Variants in NMNAT2 observed in about 807,000 individuals in gnomAD.
NMNAT2 encodes the protein nicotinamide/nicotinic acid mononucleotide adenylyltransferase 2.
A neutral mutation model predicts 41.6 loss-of-function variants in NMNAT2; 11 were observed. The ratio of observed to expected loss-of-function variants is 0.26; its 90% confidence interval spans 0.17 to 0.44. NMNAT2 has a LOEUF of 0.44. NMNAT2 is among the 20% of genes least tolerant of loss of function. The pLI, the probability that NMNAT2 is intolerant of heterozygous loss-of-function variation, is 1.00. For missense variants in NMNAT2, 288 were observed against 407.7 expected (o/e 0.71, Z 2.53); for synonymous variants, 148 against 151.2 (o/e 0.98, Z 0.16).
At chr1:183,359,747 G>A (rs1289027282) in intron 1 of NMNAT2, among the ~76,000 whole-genome samples, 5 of 152,160 alleles carry the variant, frequency 3.3e-5, no homozygotes, top group South Asian at 2.1e-4. Context: ...ATGGAGACAC[G>A]TGTGGCTCAG....
chr1:183,325,576 G>A (rs555085906), intron 1 of NMNAT2, among the ~76,000 whole-genome samples: 3 of 152,260 alleles, frequency 2.0e-5, no homozygotes, highest in South Asian at 2.1e-4. Flanking sequence ...TAGACCCAAC[G>A]TTTTACACCT....
intron 1 of NMNAT2, among the ~76,000 whole-genome samples, chr1:183,413,676 G>T (rs1373958792): frequency 7.0e-6 from 1 of 143,008 alleles, no homozygotes; most frequent in African/African-American, 2.7e-5. Context: ...GCGCGATCTC[G>T]GCTCACTGCA....
intron 1 of NMNAT2, among the ~76,000 whole-genome samples, chr1:183,339,310 G>C (rs1662745009): frequency 6.6e-6 from 1 of 152,030 alleles, no homozygotes; most frequent in South Asian, 2.1e-4. Flanking sequence ...TGTTAGCCAG[G>C]ATGGTCTCAA....
intron 1 of NMNAT2, among the ~76,000 whole-genome samples, chr1:183,300,924 T>G (rs1434195332): frequency 6.6e-6 from 1 of 152,196 alleles, no homozygotes; most frequent in East Asian, 1.9e-4. Context: ...ATGAATCCTC[T>G]GGGGGTCTTT....
At chr1:183,345,732 G>C (rs1203746601) in intron 1 of NMNAT2, among the ~76,000 whole-genome samples, 3 of 150,380 alleles carry the variant, frequency 2.0e-5, no homozygotes, top group African/African-American at 7.4e-5. Context: ...TGTTGCCCAG[G>C]CTGGAGCGCA....
At chr1:183,282,309 C>T (rs1046353605) in intron 7 of NMNAT2, among the ~76,000 whole-genome samples, 3 of 152,232 alleles carry the variant, frequency 2.0e-5, no homozygotes, top group Non-Finnish European at 2.9e-5. Context: ...CTCACCATAA[C>T]TCCAGAACTG....
At chr1:183,307,697 C>T (rs1431616967) in intron 1 of NMNAT2, among the ~76,000 whole-genome samples, 1 of 152,202 alleles carries the variant, frequency 6.6e-6, no homozygotes, top group Non-Finnish European at 1.5e-5. Context: ...CCCACCTCGG[C>T]CTCCCAAAGT....
chr1:183,251,734 G>A lies in NMNAT2; in HGVS notation c.*907C>T, dbSNP rs2102268863. 6.5e-6 allele frequency: 1 copy of A among 153,132 alleles called. No individual in the cohort carries two copies. Among genetic ancestry groups the A allele is most frequent in the African/African-American group, 2.4e-5 (1 of 41,596 alleles). 9.5% of individuals were successfully genotyped at this position (153,132 alleles called of 1,614,324 possible). On this transcript the variant is annotated 3_prime_UTR_variant, in exon 11 of 11. Coordinates refer to ENST00000287713, the MANE Select transcript of NMNAT2 (RefSeq NM_015039.4). ...GGCTCTGTGTGATCATAAGCTCAGA[G>A]CATCAGGGAAATGGTCATTTGAAAC...
rs566903021 is a variant in NMNAT2, at chr1:183,355,465, G to A, written c.86-61672C>T. ...CAATCTGTGTTTTAACAAACTCTTC[G>A]AGTGATTCTGATGCACATTAAGGTT... On this transcript the variant is annotated intron_variant, in intron 1 of 10. Coordinates refer to ENST00000287713, the MANE Select transcript of NMNAT2 (RefSeq NM_015039.4). Among the ~76,000 whole-genome samples the A allele has an allele frequency of 3.3e-5, 5 of 152,294 alleles. No homozygotes were observed. The East Asian group carries it at 9.6e-4, about 29-fold the overall frequency.
chr1:183,330,952 GACA>G (rs1662569233), intron 1 of NMNAT2, among the ~76,000 whole-genome samples: 1 of 152,068 alleles, frequency 6.6e-6, no homozygotes, highest in Admixed American at 6.6e-5. Flanking sequence ...CAACCTCTCA[GACA>G]TGTTGAAGGA....
intron 1 of NMNAT2, among the ~76,000 whole-genome samples, chr1:183,309,091 C>G (rs1393432004): frequency 6.6e-6 from 1 of 152,122 alleles, no homozygotes; most frequent in Non-Finnish European, 1.5e-5. Context: ...GATCACAGCT[C>G]ACTGTAGCCT....
intron 1 of NMNAT2, among the ~76,000 whole-genome samples, chr1:183,396,812 G>T (rs1316483141): frequency 6.6e-6 from 1 of 152,120 alleles, no homozygotes; most frequent in Non-Finnish European, 1.5e-5. Flanking sequence ...TCTAAAACTT[G>T]TCTCAGTCTG....
At chr1:183,331,531 C>T (rs2102338971) in intron 1 of NMNAT2, among the ~76,000 whole-genome samples, 1 of 152,342 alleles carries the variant, frequency 6.6e-6, no homozygotes. Context: ...ACCTTTTCTT[C>T]CTACATGAAA....
At chr1:183,282,830 A>T (rs1160970708) in intron 7 of NMNAT2, 1 of 152,206 alleles carries the variant, frequency 6.6e-6, no homozygotes, top group Non-Finnish European at 1.5e-5. Context: ...TCAATAAAGG[A>T]TATTAAAATT....
At chr1:183,356,828 T>G (rs923650074) in intron 1 of NMNAT2, among the ~76,000 whole-genome samples, 4 of 152,218 alleles carry the variant, frequency 2.6e-5, no homozygotes, top group African/African-American at 9.7e-5. Context: ...TGAAAATAAC[T>G]GTCTAAAACC....
At chr1:183,259,043 C>G (rs1008887683) in intron 10 of NMNAT2, among the ~76,000 whole-genome samples, 3 of 152,146 alleles carry the variant, frequency 2.0e-5, no homozygotes, top group Non-Finnish European at 4.4e-5. Flanking sequence ...GTCTAGGCAG[C>G]GAGCAAGGTG....
intron 1 of NMNAT2, among the ~76,000 whole-genome samples, chr1:183,359,757 G>A (rs1461942062): frequency 1.3e-5 from 2 of 152,206 alleles, no homozygotes; most frequent in African/African-American, 4.8e-5. Flanking sequence ...GTGTGGCTCA[G>A]AGTCCAGTGG....
intron 1 of NMNAT2, among the ~76,000 whole-genome samples, chr1:183,328,813 C>G (rs1188418432): frequency 6.6e-6 from 1 of 152,162 alleles, no homozygotes; most frequent in East Asian, 1.9e-4. Context: ...AAAATGTGAC[C>G]CTACTTCCCA....
intron 1 of NMNAT2, among the ~76,000 whole-genome samples, chr1:183,391,807 T>C (rs1046211699): frequency 2.0e-5 from 3 of 152,200 alleles, no homozygotes; most frequent in Non-Finnish European, 4.4e-5. Context: ...CTCTCAGAAA[T>C]GTCTGACATG....
Sources: gnomAD v4.1 joint callset for allele counts (sites outside exome capture counted in the v4.1 genomes callset) on GRCh38, gnomAD v4.1.1 for gene constraint, MANE v1.5 for transcripts, NCBI Gene and HGNC (gene_info 2026-07-23, HGNC 2026-07-21) for gene names.